The following OTOR variants were observed in gnomAD, a reference collection of about 807,000 sequenced individuals.
The protein encoded by OTOR is otoraplin.
A neutral mutation model predicts 15.9 loss-of-function variants in OTOR; 20 were observed. The observed-to-expected ratio is 1.26, with a 90% CI of 0.89 to 1.83. The LOEUF (loss-of-function observed/expected upper bound fraction) is 1.83. OTOR is among the 40% of genes most tolerant of loss of function. OTOR has a pLI of 0.00. For synonymous variants in OTOR, 53 were observed against 54.2 expected, an observed-to-expected ratio of 0.98 and a Z score of 0.09; for missense variants, 184 against 159.0, an observed-to-expected ratio of 1.16 and a Z score of -0.85.
intron 3 of OTOR, 151 bp downstream of exon 3, chr20:16,750,161 C>A (rs953674325): frequency 3.9e-5 from 21 of 538,896 alleles, no homozygotes; most frequent in Non-Finnish European, 5.7e-5. Context: ...TTTGGGGGAC[C>A]ATTTATAACT....
rs1017157616 is a variant in OTOR, at chr20:16,750,015, G to A, written c.363+5G>A. On this transcript the variant is annotated splice_donor_5th_base_variant and intron_variant, in intron 3 of 3. Coordinates refer to ENST00000246081, the MANE Select transcript of OTOR (RefSeq NM_020157.4). ...ACCAAGGAAGTTCCCACCACGGTAA[G>A]CATCTCAAAAGTGACTAGACAAGGA... 3.8e-6 allele frequency: 6 copies of A among 1,589,960 alleles called. No homozygotes were observed. In the Admixed American group the frequency reaches 6.7e-5, roughly 18 times the overall value.
At position 16,748,431 on chromosome 20, in the gene OTOR, G is replaced by A. The variant is rs772958651; in HGVS notation, c.30G>A (p.Pro10=). Residue 10 remains proline (P), a synonymous_variant, in exon 1 of 4, where the codon CCG becomes CCA. Transcript: ENST00000246081. MARILLLFL[P]GLVAVCAVHG... The stretch of plus-strand genomic sequence containing the variant: ...CAAGAATATTGTTACTTTTCCTCCC[G>A]GGTCTTGTGGCTGTATGTGCTGTGC... The A allele has an allele frequency of 5.0e-6, 8 of 1,613,176 alleles. No individual in the cohort carries two copies. The highest frequency in any genetic ancestry group is 2.2e-5 in the South Asian group (2 of 91,052).
chr20:16,750,984 C>T, intron 3 of OTOR, 111 bp from the exon 4 acceptor site: 1 of 845,782 alleles, frequency 1.2e-6, no homozygotes, highest in Non-Finnish European at 1.8e-6. Context: ...CCTTTACTTA[C>T]TTTAAATCCA....
chr20:16,750,980 C>G, intron 3 of OTOR, 115 bp from the exon 4 acceptor site: 1 of 801,242 alleles, frequency 1.2e-6, no homozygotes, highest in South Asian at 1.7e-5. Context: ...TCAACCTTTA[C>G]TTACTTTAAA....
At chr20:16,750,643 T>A (rs2072523867) in intron 3 of OTOR, among the ~76,000 whole-genome samples, 2 of 152,366 alleles carry the variant, frequency 1.3e-5, no homozygotes, top group South Asian at 4.1e-4. Flanking sequence ...AATCTTTGAA[T>A]GTCTTATTTT....
chr20:16,749,793 G>C, intron 2 of OTOR, 110 bp from the exon 3 acceptor site: 2 of 717,896 alleles, frequency 2.8e-6, no homozygotes, highest in East Asian at 2.7e-5. Context: ...GAGTGAAAGG[G>C]AGGTATTGGC....
rs767104125 is a variant in OTOR, at chr20:16,749,953, G to C, written c.306G>C (p.Arg102Ser). 7 of 1,613,826 alleles carry C rather than the reference G, an allele frequency of 4.3e-6. No homozygotes were observed. The African/African-American group carries it at 8.0e-5, about 18-fold the overall frequency. Residue 102 changes from arginine (R) to serine (S), a missense_variant, in exon 3 of 4, where the codon AGG (arginine) becomes AGC (serine). Transcript: ENST00000246081. ...TGGGAGTCGTGGGTTATTTCCCCAG[G>C]AACTTGGTCAAGGAACAGCGTGTGT... ...DEMGVVGYFP[R>S]NLVKEQRVYQ...
rs760419096 is a variant in OTOR at position 16,751,092 on chromosome 20, C to G, written c.364-3C>G. 9.8e-6 allele frequency: 15 copies of G among 1,533,704 alleles called. No individual in the cohort carries two copies. In the African/African-American group the frequency reaches 1.8e-4, roughly 19 times the overall value. ...ATCTTTTTTTGTTTTTGTTTTTTTC[C>G]AGGATATTGACTTCTTCTGCGAGTA... On this transcript the variant is annotated splice_region_variant and splice_polypyrimidine_tract_variant and intron_variant, in intron 3 of 3. Coordinates refer to ENST00000246081, the MANE Select transcript of OTOR (RefSeq NM_020157.4).
rs1210691498 is a variant in OTOR, at chr20:16,748,527, T to G, written c.115+11T>G. ...ATGATGAGTGTGTCTGTAAGGACTT[T>G]TTTATGCTTTTCATTATCTTTCTAT... is the stretch of plus-strand genomic sequence containing the variant. On this transcript the variant is annotated intron_variant, in intron 1 of 3. Transcript: ENST00000246081. The G allele has an allele frequency of 1.4e-6, 2 of 1,437,696 alleles. No individual in the cohort carries two copies. Among genetic ancestry groups the G allele is most frequent in the Middle Eastern group, 1.8e-4 (1 of 5,666 alleles). The allele number at this position is 1,437,696 out of a possible 1,614,324, so 89.1% of individuals were successfully genotyped here.
intron 2 of OTOR, chr20:16,749,676 A>C (rs930772998): frequency 6.1e-6 from 3 of 491,066 alleles, no homozygotes; most frequent in Non-Finnish European, 7.2e-6. Context: ...GTCATGCTAA[A>C]GTAGCGAAAT....
Position 16,748,446 on chromosome 20 carries a change from A to T in OTOR, c.45A>T (p.Val15=). ...LLLFLPGLVA[V]CAVHGIFMDR... ...TTTTCCTCCCGGGTCTTGTGGCTGT[A>T]TGTGCTGTGCATGGAATATTTATGG... Residue 15 remains valine, a synonymous_variant, in exon 1 of 4, where the codon GTA becomes GTT. Transcript: ENST00000246081. 1 of 1,613,754 alleles carries T rather than the reference A, an allele frequency of 6.2e-7. No individual in the cohort carries two copies. The highest frequency in any genetic ancestry group is 8.5e-7 in the Non-Finnish European group (1 of 1,179,666).
intron 1 of OTOR, among the ~76,000 whole-genome samples, 168 bp downstream of exon 1, chr20:16,748,684 A>T (rs2072508092): frequency 6.6e-6 from 1 of 152,216 alleles, no homozygotes; most frequent in African/African-American, 2.4e-5. Context: ...CGGAGAATTC[A>T]CTTGGCTGAG....
At chr20:16,749,773 CT>C (rs2072516210) in intron 2 of OTOR, 129 bp from the exon 3 acceptor site, 1 of 652,582 alleles carries the variant, frequency 1.5e-6, no homozygotes, top group African/African-American at 1.8e-5. Context: ...GCAGCGCCCC[CT>C]GGACCCCGGA....
intron 1 of OTOR, 93 bp downstream of exon 1, chr20:16,748,609 A>C: frequency 1.2e-6 from 1 of 814,458 alleles, no homozygotes; most frequent in Non-Finnish European, 2.0e-6. Context: ...CTTTGAAGTG[A>C]ATCTTCTCCA....
In OTOR at chr20:16,748,417, T is replaced by C. The variant is rs1292636200; in HGVS notation, c.16T>C (p.Leu6=). The part of the protein sequence containing the change: MARIL[L]LFLPGLVAVC... Reference sequence around the variant, plus strand: ...AAAAAGGAAGATGGCAAGAATATTGTTACTTTTCCTCCCGGGTCTTGTGGC... The same window carrying C: ...AAAAAGGAAGATGGCAAGAATATTGCTACTTTTCCTCCCGGGTCTTGTGGC... The change falls in exon 1 of 4, where the codon TTA becomes CTA. Residue 6 remains leucine, a synonymous_variant. Transcript: ENST00000246081. 1 of 1,611,750 alleles carries C rather than the reference T, an allele frequency of 6.2e-7. No individual in the cohort carries two copies. The highest frequency in any genetic ancestry group is 1.1e-5 in the South Asian group (1 of 91,032).
Position 16,751,096 on chromosome 20 carries a change from A to G in OTOR, c.365A>G (p.Asp122Gly). 6.5e-7 allele frequency: 1 copy of G among 1,543,066 alleles called. No homozygotes were observed. Among genetic ancestry groups the G allele is most frequent in the South Asian group, 1.2e-5 (1 of 81,710 alleles). The change falls in exon 4 of 4, where the codon GAT (aspartate) becomes GGT (glycine). Residue 122 changes from aspartate (D) to glycine (G), a missense_variant and splice_region_variant. Transcript: ENST00000246081. ...QEATKEVPTT[D>G]IDFFCE ...TTTTTTGTTTTTGTTTTTTTCCAGG[A>G]TATTGACTTCTTCTGCGAGTAATAA...
intron 3 of OTOR, among the ~76,000 whole-genome samples, chr20:16,750,577 A>T (rs1462382697): frequency 1.3e-5 from 2 of 152,246 alleles, no homozygotes; most frequent in Non-Finnish European, 2.9e-5. Context: ...GTTTTCACTA[A>T]AGATAGGCTG....
At chr20:16,749,677 G>A in intron 2 of OTOR, 1 of 490,026 alleles carries the variant, frequency 2.0e-6, no homozygotes, top group Admixed American at 3.6e-5. Context: ...TCATGCTAAA[G>A]TAGCGAAATA....
intron 3 of OTOR, among the ~76,000 whole-genome samples, chr20:16,750,475 C>T (rs1445252677): frequency 6.6e-6 from 1 of 151,776 alleles, no homozygotes; most frequent in African/African-American, 2.4e-5. Context: ...GTATACAATA[C>T]AGTACCTCTT....
Sources: allele counts gnomAD v4.1 joint callset (sites outside exome capture counted in the v4.1 genomes callset), GRCh38; gene constraint gnomAD v4.1.1; transcripts MANE v1.5; gene names NCBI Gene and HGNC (gene_info 2026-07-23, HGNC 2026-07-21).